The following IQANK1 variants were observed in gnomAD, a reference collection of about 807,000 sequenced individuals.
IQANK1 encodes the protein IQ motif and ankyrin repeat domain-containing protein 1.
IQANK1 carries 30 observed loss-of-function variants against 22.6 expected under a neutral mutation model. That is an observed-to-expected ratio of 1.33 (90% CI 0.99 to 1.80). The LOEUF (loss-of-function observed/expected upper bound fraction) is 1.80, where lower values mean the gene tolerates loss of function less well. IQANK1 is among the 40% of genes most tolerant of loss of function. The pLI, the probability that IQANK1 is intolerant of heterozygous loss-of-function variation, is 0.00. For synonymous variants in IQANK1, 122 were observed against 99.6 expected (o/e 1.23, Z -1.34); for missense variants, 275 against 235.2 (o/e 1.17, Z -1.11).
rs1021130532 is a variant in IQANK1 at position 143,771,501 on chromosome 8, C to G, written c.189C>G (p.Asp63Glu). ...TCCCCACCCCAGGGCCGGCCGAGGACCGAGCGGCCAGAGCGATCCAGGGCG... is the reference window on the plus strand; with the variant it reads ...TCCCCACCCCAGGGCCGGCCGAGGAGCGAGCGGCCAGAGCGATCCAGGGCG... The part of the protein sequence containing the change: ...SPQAPTGPAE[D>E]RAARAIQGAF... The change falls in exon 4 of 14, where the codon GAC becomes GAG. Residue 63 changes from aspartate (D) to glutamate (E), a missense_variant. By Grantham distance (45) the Asp-to-Glu change is conservative (BLOSUM62 2). Transcript: ENST00000527139. The surrounding 1 kb of genome is among the most constrained non-coding windows in gnomAD (Gnocchi z 6.0). The G allele has an allele frequency of 1.0e-5, 4 of 398,034 alleles. No individual in the cohort carries two copies. Among genetic ancestry groups the G allele is most frequent in the African/African-American group, 8.2e-5 (4 of 48,706 alleles). The allele number at this position is 398,034 out of a possible 1,614,324, so 24.7% of individuals were successfully genotyped here.
At chr8:143,740,353 C>G (rs1249393480) in intron 3 of IQANK1, among the ~76,000 whole-genome samples, 1 of 152,196 alleles carries the variant, frequency 6.6e-6, no homozygotes, top group Non-Finnish European at 1.5e-5. Flanking sequence ...GCCTTGGGCC[C>G]GGATCGCCTT....
At chr8:143,747,552 A>G (rs1424713023) in intron 3 of IQANK1, among the ~76,000 whole-genome samples, 1 of 151,838 alleles carries the variant, frequency 6.6e-6, no homozygotes, top group Non-Finnish European at 1.5e-5. Context: ...TAAGGTTGGT[A>G]TGTTGTGTCT....
intron 3 of IQANK1, among the ~76,000 whole-genome samples, chr8:143,766,620 AG>A (rs1303419406): frequency 6.6e-6 from 1 of 152,142 alleles, no homozygotes; most frequent in African/African-American, 2.4e-5. Flanking sequence ...GCAGTGAGCC[AG>A]GATCGAGTCA....
chr8:143,743,688 T>C (rs1463371960), intron 3 of IQANK1, among the ~76,000 whole-genome samples: 1 of 152,188 alleles, frequency 6.6e-6, no homozygotes, highest in Non-Finnish European at 1.5e-5. Flanking sequence ...GAAGCCTGCT[T>C]CAGAAGTGAC....
At position 143,790,126 on chromosome 8, in the gene IQANK1, GGT is replaced by G. The variant is rs1819999782; in HGVS notation, c.1290-8_1290-7del. The G allele has an allele frequency of 8.1e-7, 1 of 1,231,934 alleles. No homozygotes were observed. Among genetic ancestry groups the G allele is most frequent in the Admixed American group, 4.2e-5 (1 of 23,706 alleles). The allele number at this position is 1,231,934 out of a possible 1,614,324, so 76.3% of individuals were successfully genotyped here. A position where few individuals can be genotyped will look rare whatever the true frequency, so the allele number is the denominator to read the frequency against. On this transcript the variant is annotated splice_polypyrimidine_tract_variant and intron_variant, in intron 12 of 13. Coordinates refer to ENST00000527139, the MANE Select transcript of IQANK1 (RefSeq NM_001381874.1). ...TTGGACAGACAGCAGTGACCTGATG[GGT>G]GTCCCCAGGTGGCCTCTTGTTATTG...
chr8:143,774,313 C>T lies in IQANK1; in HGVS notation c.789+1831C>T, dbSNP rs1441127709. Among the ~76,000 whole-genome samples, 5 of 152,070 alleles carry T rather than the reference C, an allele frequency of 3.3e-5. No individual in the cohort carries two copies. The highest frequency in any genetic ancestry group is 1.9e-4 in the East Asian group (1 of 5,202). On this transcript the variant is annotated intron_variant, in intron 7 of 13. Coordinates refer to ENST00000527139, the MANE Select transcript of IQANK1 (RefSeq NM_001381874.1). This position sits in a 1 kb window ranked among gnomAD's most constrained non-coding sequence, Gnocchi z 4.2. ...TGTGAACCACGCATCTGGCAAGGCA[C>T]GTGTACCTAGAACATAGAAAAAACT...
intron 3 of IQANK1, among the ~76,000 whole-genome samples, chr8:143,761,495 C>T (rs567882246): frequency 1.3e-5 from 2 of 152,292 alleles, no homozygotes; most frequent in Admixed American, 6.5e-5. Context: ...CTCGGCCTGG[C>T]GGGGTAACTC....
At chr8:143,744,434 T>C (rs1213092003) in intron 3 of IQANK1, 2 of 152,162 alleles carry the variant, frequency 1.3e-5, no homozygotes, top group Non-Finnish European at 2.9e-5. Flanking sequence ...AGCGAGGATA[T>C]TGAGAAGAAA....
intron 2 of IQANK1, among the ~76,000 whole-genome samples, chr8:143,736,804 C>T (rs1410317906): frequency 6.6e-6 from 1 of 152,046 alleles, no homozygotes; most frequent in Non-Finnish European, 1.5e-5. Flanking sequence ...CCACCCCAGC[C>T]CCGCCTTCAC....
At chr8:143,782,380 C>T (rs370586172) in intron 7 of IQANK1, among the ~76,000 whole-genome samples, 250 of 152,272 alleles carry the variant, frequency 1.6e-3, no homozygotes, top group African/African-American at 3.8e-3. Context: ...GCATCCTTGT[C>T]TTGTGCCAGT....
intron 1 of IQANK1, among the ~76,000 whole-genome samples, chr8:143,734,551 C>T (rs1347560584): frequency 6.6e-6 from 1 of 151,682 alleles, no homozygotes; most frequent in African/African-American, 2.4e-5. Context: ...ACAGGAGACT[C>T]CTCAGGAAGA....
chr8:143,752,995 C>CATTTTT (rs1563771948), intron 3 of IQANK1, among the ~76,000 whole-genome samples: 3 of 74,700 alleles, frequency 4.0e-5, no homozygotes, highest in African/African-American at 1.4e-4. Context: ...ACTCTCTGTT[C>CATTTTT]GTTTTTTTTT....
intron 7 of IQANK1, among the ~76,000 whole-genome samples, chr8:143,786,025 T>G (rs981253689): frequency 6.6e-6 from 1 of 152,034 alleles, no homozygotes; most frequent in African/African-American, 2.4e-5. Context: ...GTGCCTGGCC[T>G]AATTTTTTTT....
intron 2 of IQANK1, chr8:143,739,268 C>T (rs13277214): frequency 0.67 from 102,696 of 152,278 alleles, 36,437 homozygotes; most frequent in Non-Finnish European, 0.79. Context: ...TCCTCCCTAG[C>T]GTTTCCCCAG....
chr8:143,746,606 C>T (rs1819037377), intron 3 of IQANK1, among the ~76,000 whole-genome samples: 1 of 152,198 alleles, frequency 6.6e-6, no homozygotes, highest in African/African-American at 2.4e-5. Flanking sequence ...TGCTCTTGAA[C>T]TCCTAGGCTC....
chr8:143,760,996 G>T (rs1477646036), intron 3 of IQANK1, among the ~76,000 whole-genome samples: 1 of 152,146 alleles, frequency 6.6e-6, no homozygotes, highest in Non-Finnish European at 1.5e-5. Flanking sequence ...GGAGCACCAG[G>T]GACCTCCTGG....
intron 3 of IQANK1, among the ~76,000 whole-genome samples, chr8:143,761,995 G>A (rs1484948236): frequency 6.6e-6 from 1 of 152,156 alleles, no homozygotes; most frequent in Non-Finnish European, 1.5e-5. Context: ...TTATCGTAGA[G>A]CTTCTGTGTG....
In IQANK1 at chr8:143,775,787, T is replaced by TACACACACACACACACACACAC. The variant is rs35665050; in HGVS notation, c.789+3320_789+3341dup. Among the ~76,000 whole-genome samples the TACACACACACACACACACACAC allele has an allele frequency of 1.3e-3, 171 of 129,490 alleles. 3 individuals are homozygous for TACACACACACACACACACACAC. Among genetic ancestry groups the TACACACACACACACACACACAC allele is most frequent in the African/African-American group, 4.0e-3 (134 of 33,876 alleles). 85.0% of individuals were successfully genotyped at this position (129,490 alleles called of 152,430 possible). A position where few individuals can be genotyped will look rare whatever the true frequency, so the allele number is the denominator to read the frequency against. On this transcript the variant is annotated intron_variant, in intron 7 of 13. Transcript: ENST00000527139. The stretch of plus-strand genomic sequence containing the variant: ...AAAAACAAAAAAACTATAGCTGTAT[T>TACACACACACACACACACACAC]ACACACACACACACACACACACACA...
At position 143,735,870 on chromosome 8, in the gene IQANK1, G is replaced by A. The variant is rs1554625591; in HGVS notation, c.17G>A (p.Gly6Glu). 4.3e-6 allele frequency: 3 copies of A among 702,606 alleles called. No individual in the cohort carries two copies. The highest frequency in any genetic ancestry group is 5.2e-6 in the Non-Finnish European group (2 of 384,910). 43.5% of individuals were successfully genotyped at this position (702,606 alleles called of 1,614,324 possible). A position where few individuals can be genotyped will look rare whatever the true frequency, so the allele number is the denominator to read the frequency against. Residue 6 changes from glycine (G) to glutamate (E), a missense_variant, in exon 2 of 14, where the codon GGG (glycine) becomes GAG (glutamate). Physicochemically the swap from Gly to Glu is moderately conservative, Grantham distance 98 (BLOSUM62 -2). Coordinates refer to ENST00000527139, the MANE Select transcript of IQANK1 (RefSeq NM_001381874.1). The surrounding 1 kb of genome is among the most constrained non-coding windows in gnomAD (Gnocchi z 5.2). MDSKK[G>E]RPKAAAGKWQ... ...CCCAGGAGAATGGACAGTAAGAAGGGGAGACCCAAAGCTGCAGCTGGGAAG... is the reference window on the plus strand; with the variant it reads ...CCCAGGAGAATGGACAGTAAGAAGGAGAGACCCAAAGCTGCAGCTGGGAAG...
Sources: gnomAD v4.1 joint callset for allele counts (sites outside exome capture counted in the v4.1 genomes callset) on GRCh38, gnomAD v4.1.1 for gene constraint, Gnocchi (gnomAD v3.1) non-coding constraint, MANE v1.5 for transcripts, NCBI Gene and HGNC (gene_info 2026-07-23, HGNC 2026-07-21) for gene names.